The following MED12L variants were observed in gnomAD, a reference collection of about 807,000 sequenced individuals.
The protein encoded by MED12L is mediator of RNA polymerase II transcription subunit 12-like protein.
In MED12L, 60 loss-of-function variants were observed where a neutral mutation model predicts 281.3. That is an observed-to-expected ratio of 0.21 (90% CI 0.17 to 0.26). The LOEUF is 0.26. MED12L is among the 10% of genes least tolerant of loss of function. The probability of loss-of-function intolerance (pLI) is 1.00; values close to 1 mark genes in which losing one functional copy is unlikely to be tolerated. For synonymous variants in MED12L, 974 were observed against 987.2 expected (o/e 0.99, Z 0.25); for missense variants, 2,146 against 2,680.9 (o/e 0.80, Z 4.41).
At chr3:151,098,988 A>G (rs912814169) in intron 2 of MED12L, among the ~76,000 whole-genome samples, 5 of 152,056 alleles carry the variant, frequency 3.3e-5, no homozygotes, top group African/African-American at 1.2e-4. Flanking sequence ...ATGAGAACCA[A>G]GTGAAAGGGA....
chr3:151,219,998 T>C (rs1051684858), intron 16 of MED12L, among the ~76,000 whole-genome samples: 3 of 151,032 alleles, frequency 2.0e-5, no homozygotes, highest in Admixed American at 6.6e-5. Context: ...AGGTGGATTT[T>C]TTTAATTGTT....
intron 2 of MED12L, among the ~76,000 whole-genome samples, chr3:151,113,061 G>A (rs1211155714): frequency 2.0e-5 from 3 of 152,180 alleles, no homozygotes; most frequent in Non-Finnish European, 4.4e-5. Flanking sequence ...GTAAATTATA[G>A]TGTGTTTTAG....
Position 151,365,154 on chromosome 3 carries a change from T to C in MED12L, c.3133T>C (p.Phe1045Leu), listed in dbSNP as rs148043166. The C allele has an allele frequency of 6.2e-7, 1 of 1,613,886 alleles. No individual in the cohort carries two copies. Among genetic ancestry groups the C allele is most frequent in the African/African-American group, 1.3e-5 (1 of 74,880 alleles). The change falls in exon 22 of 45, where the codon TTT becomes CTT. Residue 1045 changes from phenylalanine (F) to leucine (L), a missense_variant. Coordinates refer to ENST00000687756, the MANE Select transcript of MED12L (RefSeq NM_001393769.1). ...TGACAATGCGGCCAATCGCTACAGC[T>C]TTGTCTGCAATACACTCATGAATGT... ...LSDNAANRYS[F>L]VCNTLMNVCM... is the part of the protein sequence containing the mutation.
intron 16 of MED12L, among the ~76,000 whole-genome samples, chr3:151,323,413 G>C (rs1296818517): frequency 6.6e-6 from 1 of 152,150 alleles, no homozygotes; most frequent in African/African-American, 2.4e-5. Flanking sequence ...AGATGTCCCA[G>C]TACAGTGCTT....
chr3:151,314,148 G>T (rs1372705799), intron 16 of MED12L, among the ~76,000 whole-genome samples: 1 of 152,124 alleles, frequency 6.6e-6, no homozygotes, highest in Non-Finnish European at 1.5e-5. Flanking sequence ...TAGAATCATT[G>T]ATATAAATGA....
At position 151,242,124 on chromosome 3, in the gene MED12L, C is replaced by T. The variant is rs185255967; in HGVS notation, c.2250+48458C>T. Among the ~76,000 whole-genome samples, 794 of 152,284 alleles carry T rather than the reference C, an allele frequency of 5.2e-3. 14 individuals are homozygous for T. The highest frequency in any genetic ancestry group is 0.018 in the African/African-American group (736 of 41,560). On this transcript the variant is annotated intron_variant, in intron 16 of 44. Transcript: ENST00000687756. The stretch of plus-strand genomic sequence containing the variant: ...CCCGCACCTGGCTCGGAGGGTCCTA[C>T]GCCCATGGAGTCTCGCTGATTGCTA...
intron 16 of MED12L, among the ~76,000 whole-genome samples, chr3:151,230,852 C>T (rs1487286953): frequency 6.6e-6 from 1 of 152,164 alleles, no homozygotes; most frequent in African/African-American, 2.4e-5. Flanking sequence ...TGTCAGTGAG[C>T]TCATCTTGTT....
intron 16 of MED12L, among the ~76,000 whole-genome samples, chr3:151,297,674 C>G (rs1424445512): frequency 6.6e-6 from 1 of 152,146 alleles, no homozygotes; most frequent in Non-Finnish European, 1.5e-5. Flanking sequence ...TCGTGGAGTG[C>G]AAGAACCCCT....
At chr3:151,152,651 T>C (rs547858665) in intron 5 of MED12L, among the ~76,000 whole-genome samples, 1 of 152,318 alleles carries the variant, frequency 6.6e-6, no homozygotes, top group South Asian at 2.1e-4. Context: ...GCTAAGTGAC[T>C]CATCCTTACA....
intron 16 of MED12L, among the ~76,000 whole-genome samples, chr3:151,254,564 A>G (rs1434183635): frequency 2.0e-5 from 3 of 152,218 alleles, no homozygotes; most frequent in Non-Finnish European, 4.4e-5. Flanking sequence ...ATTTGAACCA[A>G]ACCTTATTTA....
intron 16 of MED12L, among the ~76,000 whole-genome samples, chr3:151,317,901 AAAT>A (rs59929316): frequency 0.047 from 7,120 of 152,244 alleles, 545 homozygotes; most frequent in African/African-American, 0.16. Flanking sequence ...AGATAAATGA[AAAT>A]AATCAAAGGT....
intron 16 of MED12L, chr3:151,316,804 C>T (rs557150011): frequency 1.3e-5 from 2 of 152,360 alleles, no homozygotes; most frequent in South Asian, 4.1e-4. Flanking sequence ...TTCAAATTCT[C>T]CTGCCAGGCG....
rs188124030 is a variant in MED12L, at chr3:151,339,575, T to C, written c.2251-10484T>C. ...ACCCATGTGTATCTTATTTCCAACT[T>C]TCCTCAGTGTTTTGAAGTTGCTGCA... On this transcript the variant is annotated intron_variant, in intron 16 of 44. Transcript: ENST00000687756. Among the ~76,000 whole-genome samples, 271 of 152,206 alleles carry C rather than the reference T, an allele frequency of 1.8e-3. 2 individuals carry two copies. The highest frequency in any genetic ancestry group is 6.3e-3 in the African/African-American group (262 of 41,562).
At chr3:151,292,044 A>G (rs1220394628) in intron 16 of MED12L, among the ~76,000 whole-genome samples, 1 of 152,186 alleles carries the variant, frequency 6.6e-6, no homozygotes, top group Admixed American at 6.5e-5. Flanking sequence ...GACCTCTTAG[A>G]ATTGAGGCCT....
intron 43 of MED12L, among the ~76,000 whole-genome samples, chr3:151,425,904 G>T (rs1288960828): frequency 6.6e-6 from 1 of 152,220 alleles, no homozygotes; most frequent in African/African-American, 2.4e-5. Flanking sequence ...GGGAAGGGTA[G>T]AGTGGAACGA....
chr3:151,423,232 AT>A (rs1353599974), intron 43 of MED12L, among the ~76,000 whole-genome samples: 2 of 151,162 alleles, frequency 1.3e-5, no homozygotes, highest in Non-Finnish European at 2.9e-5. Flanking sequence ...TGCAGAATGG[AT>A]TCATTGCTTT....
chr3:151,369,045 G>A (rs947800597), intron 25 of MED12L, among the ~76,000 whole-genome samples: 1 of 152,102 alleles, frequency 6.6e-6, no homozygotes, highest in African/African-American at 2.4e-5. Flanking sequence ...ACAGGCGTGA[G>A]CCACCGCACC....
intron 5 of MED12L, among the ~76,000 whole-genome samples, chr3:151,133,224 G>A (rs934666437): frequency 1.3e-5 from 2 of 152,226 alleles, no homozygotes; most frequent in South Asian, 4.1e-4. Context: ...CAGCATTGGA[G>A]CAGAGCTATA....
At chr3:151,338,081 G>A (rs373467127) in intron 16 of MED12L, 5 of 1,613,742 alleles carry the variant, frequency 3.1e-6, no homozygotes, top group East Asian at 2.2e-5. Context: ...AAGGAATTCG[G>A]GCAAAATGGA....
Sources: allele counts gnomAD v4.1 joint callset (sites outside exome capture counted in the v4.1 genomes callset), GRCh38; gene constraint gnomAD v4.1.1; transcripts MANE v1.5; gene names NCBI Gene and HGNC (gene_info 2026-07-23, HGNC 2026-07-21).